SESTD1: variants seen among roughly 807,000 people sequenced by gnomAD.
The protein encoded by SESTD1 is SEC14 and spectrin domain containing 1.
In SESTD1, 43 loss-of-function variants were observed where a neutral mutation model predicts 101.7. The ratio of observed to expected loss-of-function variants is 0.42; its 90% CI spans 0.33 to 0.55. The LOEUF (loss-of-function observed/expected upper bound fraction) is 0.55, where lower values mean the gene tolerates loss of function less well. Among genes scored for constraint, SESTD1 ranks in the 20% least tolerant of loss-of-function variants. The pLI, the probability that SESTD1 is intolerant of heterozygous loss-of-function variation, is 0.07. For missense variants in SESTD1, 647 were observed against 815.1 expected (o/e 0.79, Z 2.51); for synonymous variants, 283 against 286.8 (o/e 0.99, Z 0.13).
At chr2:179,245,716 T>C (rs998692367) in intron 1 of SESTD1, among the ~76,000 whole-genome samples, 4 of 150,626 alleles carry the variant, frequency 2.7e-5, no homozygotes, top group Non-Finnish European at 5.9e-5. Context: ...AAATAACCCA[T>C]AAAAAGGGAG....
rs189740553 is a variant in SESTD1 at position 179,164,750 on chromosome 2, A to G, written c.369+7370T>C. 3.5e-4 allele frequency among the ~76,000 whole-genome samples: 54 copies of G among 152,304 alleles called. No homozygotes were observed. The East Asian group carries it at 9.9e-3, about 28-fold the overall frequency. ...AGGTTACCTAGAAGAAAAAATTTAG[A>G]AAGTATCATGGGCAAGAAAACAAGA... On this transcript the variant is annotated intron_variant, in intron 5 of 17. Coordinates refer to ENST00000428443, the MANE Select transcript of SESTD1 (RefSeq NM_178123.5).
At chr2:179,235,557 C>T (rs767239822) in intron 1 of SESTD1, among the ~76,000 whole-genome samples, 6 of 152,242 alleles carry the variant, frequency 3.9e-5, no homozygotes, top group Non-Finnish European at 7.4e-5. Flanking sequence ...CTTAAGAAAA[C>T]CCTCAAGTTA....
intron 1 of SESTD1, among the ~76,000 whole-genome samples, chr2:179,235,196 T>C (rs1320867747): frequency 6.6e-6 from 1 of 152,194 alleles, no homozygotes; most frequent in African/African-American, 2.4e-5. Context: ...TGTGGTTATA[T>C]ATTTTTTAAA....
At chr2:179,164,759 T>C (rs1407605142) in intron 5 of SESTD1, among the ~76,000 whole-genome samples, 2 of 152,082 alleles carry the variant, frequency 1.3e-5, no homozygotes, top group Non-Finnish European at 1.5e-5. Flanking sequence ...GAAAGTATCA[T>C]GGGCAAGAAA....
intron 1 of SESTD1, among the ~76,000 whole-genome samples, chr2:179,244,105 A>G (rs2047195114): frequency 1.3e-5 from 2 of 151,812 alleles, no homozygotes; most frequent in Non-Finnish European, 2.9e-5. Context: ...CCTGGGTGAC[A>G]GTACAAGATT....
rs1026152905 is a variant in SESTD1, at chr2:179,202,318, T to A, written c.-25-10452A>T. On this transcript the variant is annotated intron_variant, in intron 1 of 17. Transcript: ENST00000428443. ...CCTAATAAAATAACACTCCCCAGTT[T>A]TTGTCACCTCCTGTCACATTTTCCT... Among the ~76,000 whole-genome samples the A allele has an allele frequency of 4.5e-5, 6 of 134,484 alleles. 1 individual carries two copies. Among genetic ancestry groups the A allele is most frequent in the Admixed American group, 7.2e-5 (1 of 13,830 alleles). The allele number at this position is 134,484 out of a possible 152,430, so 88.2% of individuals were successfully genotyped here.
chr2:179,166,308 C>G (rs2045833385), intron 5 of SESTD1, among the ~76,000 whole-genome samples: 1 of 151,982 alleles, frequency 6.6e-6, no homozygotes, highest in African/African-American at 2.4e-5. Flanking sequence ...AGGGGAAGAG[C>G]AGCCACTAAT....
At chr2:179,169,455 G>A (rs2045892599) in intron 5 of SESTD1, among the ~76,000 whole-genome samples, 1 of 151,810 alleles carries the variant, frequency 6.6e-6, no homozygotes, top group Non-Finnish European at 1.5e-5. Context: ...AGCAAAAACT[G>A]ACAGAAATAA....
intron 1 of SESTD1, among the ~76,000 whole-genome samples, chr2:179,225,880 T>G (rs750449118): frequency 6.6e-6 from 1 of 152,162 alleles, no homozygotes; most frequent in Non-Finnish European, 1.5e-5. Context: ...CAGTTGGAAC[T>G]AAGTTCCAAC....
intron 1 of SESTD1, among the ~76,000 whole-genome samples, chr2:179,256,387 CATAG>C (rs1241612818): frequency 6.6e-6 from 1 of 152,052 alleles, no homozygotes; most frequent in African/African-American, 2.4e-5. Flanking sequence ...TCCCAACTTC[CATAG>C]ATAACTTTAA....
intron 1 of SESTD1, among the ~76,000 whole-genome samples, chr2:179,236,886 C>G (rs2047076702): frequency 6.6e-6 from 1 of 151,168 alleles, no homozygotes; most frequent in Admixed American, 6.6e-5. Context: ...CATATTTTAC[C>G]AAGTAGTTTT....
intron 1 of SESTD1, among the ~76,000 whole-genome samples, chr2:179,197,646 G>A (rs200418973): frequency 2.6e-5 from 4 of 152,264 alleles, no homozygotes; most frequent in African/African-American, 7.2e-5. Context: ...GAGAGTGGGG[G>A]CCAATATTCA....
intron 1 of SESTD1, among the ~76,000 whole-genome samples, chr2:179,199,963 T>C (rs2046479479): frequency 6.6e-6 from 1 of 152,118 alleles, no homozygotes; most frequent in East Asian, 1.9e-4. Context: ...GGTATTCAAT[T>C]AGGAAAAGGG....
At chr2:179,111,511 G>C (rs1189404830) in intron 17 of SESTD1, among the ~76,000 whole-genome samples, 1 of 152,174 alleles carries the variant, frequency 6.6e-6, no homozygotes, top group Non-Finnish European at 1.5e-5. Context: ...CTTGCCCAAG[G>C]TGTTACAGTG....
intron 1 of SESTD1, among the ~76,000 whole-genome samples, chr2:179,256,980 A>G (rs12623243): frequency 0.27 from 40,708 of 151,970 alleles, 5,855 homozygotes; most frequent in South Asian, 0.4. Context: ...AAGCAGTGGC[A>G]GGGTTTGAGA....
chr2:179,142,531 C>A (rs1209086338), intron 9 of SESTD1, among the ~76,000 whole-genome samples: 1 of 152,172 alleles, frequency 6.6e-6, no homozygotes, highest in Non-Finnish European at 1.5e-5. Context: ...GGATTGGGAT[C>A]ATGCTCTATG....
intron 1 of SESTD1, among the ~76,000 whole-genome samples, chr2:179,200,260 T>G (rs187196619): frequency 0.01 from 1,523 of 152,064 alleles, 26 homozygotes; most frequent in Middle Eastern, 0.017. Context: ...CACTGCTCAA[T>G]GAAATAAAAG....
intron 1 of SESTD1, among the ~76,000 whole-genome samples, chr2:179,237,457 A>G (rs1451838143): frequency 6.6e-6 from 1 of 152,096 alleles, no homozygotes; most frequent in Non-Finnish European, 1.5e-5. Flanking sequence ...CATAAAATTT[A>G]GCATCTATTA....
At chr2:179,218,463 A>C (rs1193611172) in intron 1 of SESTD1, among the ~76,000 whole-genome samples, 1 of 152,218 alleles carries the variant, frequency 6.6e-6, no homozygotes, top group Non-Finnish European at 1.5e-5. Flanking sequence ...AAGAGGCGGA[A>C]AGCCACACTT....
Sources: allele counts gnomAD v4.1 joint callset (sites outside exome capture counted in the v4.1 genomes callset), GRCh38; gene constraint gnomAD v4.1.1; transcripts MANE v1.5; gene names NCBI Gene and HGNC (gene_info 2026-07-23, HGNC 2026-07-21).